The following PBX4 variants were observed in gnomAD, a reference collection of about 807,000 sequenced individuals.
The protein encoded by PBX4 is pre-B-cell leukemia transcription factor 4.
Under a neutral mutation model 35.1 loss-of-function variants are expected in PBX4, and 26 were observed. The observed-to-expected ratio is 0.74, with a 90% confidence interval of 0.54 to 1.03. The LOEUF (loss-of-function observed/expected upper bound fraction) is 1.03, where lower values mean the gene tolerates loss of function less well. Ranked by LOEUF, PBX4 falls within the 50% of genes least tolerant of loss-of-function variation. The pLI is 0.00. For synonymous variants in PBX4, 199 were observed against 204.2 expected (o/e 0.97, Z 0.22); for missense variants, 448 against 504.3 (o/e 0.89, Z 1.07).
chr19:19,576,207 T>C (rs938854484), intron 2 of PBX4, among the ~76,000 whole-genome samples: 13 of 147,716 alleles, frequency 8.8e-5, no homozygotes, highest in African/African-American at 3.0e-4. Flanking sequence ...CTGGGCAACA[T>C]GGTGAGATCC....
intron 1 of PBX4, among the ~76,000 whole-genome samples, chr19:19,600,677 C>T (rs769560126): frequency 5.3e-5 from 8 of 151,646 alleles, no homozygotes; most frequent in South Asian, 2.1e-4. Context: ...AAAAGCTGGG[C>T]GTGGTGGTGC....
intron 2 of PBX4, among the ~76,000 whole-genome samples, chr19:19,593,438 G>A (rs143355427): frequency 2.6e-5 from 4 of 152,160 alleles, no homozygotes; most frequent in South Asian, 4.2e-4. Context: ...TCCTAGTCAC[G>A]GGATGAGGAC....
rs780233504 is a variant in PBX4, at chr19:19,563,178, C to A, written c.1032+331G>T. On this transcript the variant is annotated intron_variant, in intron 7 of 7. Transcript: ENST00000251203. The surrounding 1 kb of genome is among the most constrained non-coding windows in gnomAD (Gnocchi z 5.1). ...TCCGGCCTCCTCTGCTGGCTGCCTGCCCCTCCCTCTCGAGGGAAGGACACC... is the reference window on the plus strand; with the variant it reads ...TCCGGCCTCCTCTGCTGGCTGCCTGACCCTCCCTCTCGAGGGAAGGACACC... Among the ~76,000 whole-genome samples, 12 of 152,156 alleles carry A rather than the reference C, an allele frequency of 7.9e-5. No individual in the cohort carries two copies. The highest frequency in any genetic ancestry group is 1.4e-4 in the African/African-American group (6 of 41,440).
intron 1 of PBX4, among the ~76,000 whole-genome samples, chr19:19,613,905 C>G (rs1456028583): frequency 1.3e-5 from 2 of 152,128 alleles, no homozygotes; most frequent in Admixed American, 6.6e-5. Context: ...CTAGGAATTA[C>G]CTCTACACAG....
chr19:19,593,362 C>T (rs1346577680), intron 2 of PBX4, among the ~76,000 whole-genome samples: 1 of 152,174 alleles, frequency 6.6e-6, no homozygotes, highest in Non-Finnish European at 1.5e-5. Flanking sequence ...AAGAGGCGGC[C>T]CGTGGGTACC....
In PBX4 at chr19:19,602,359, G is replaced by A. The variant is rs544384887; in HGVS notation, c.120-2994C>T. Among the ~76,000 whole-genome samples the A allele has an allele frequency of 2.6e-5, 4 of 152,280 alleles. No homozygotes were observed. The East Asian group carries it at 5.8e-4, about 22-fold the overall frequency. On this transcript the variant is annotated intron_variant, in intron 1 of 7. Coordinates refer to ENST00000251203, the MANE Select transcript of PBX4 (RefSeq NM_025245.3). ...GAGAATGTGGAGGTGAGGAGGAAGCGGAAGCAGCAATCACAAAGTCTTTGA... is the reference window on the plus strand; with the variant it reads ...GAGAATGTGGAGGTGAGGAGGAAGCAGAAGCAGCAATCACAAAGTCTTTGA...
At chr19:19,587,448 C>T (rs535118276) in intron 2 of PBX4, among the ~76,000 whole-genome samples, 2 of 151,268 alleles carry the variant, frequency 1.3e-5, no homozygotes, top group South Asian at 4.2e-4. Flanking sequence ...ATTAGCCGGG[C>T]GTGGTGGCGG....
At chr19:19,611,009 C>G (rs2061660057) in intron 1 of PBX4, among the ~76,000 whole-genome samples, 1 of 152,138 alleles carries the variant, frequency 6.6e-6, no homozygotes. Context: ...TGGGAAATTC[C>G]ACATCATAAA....
chr19:19,565,864 G>A (rs902628157), intron 5 of PBX4, among the ~76,000 whole-genome samples: 49 of 152,182 alleles, frequency 3.2e-4, no homozygotes, highest in African/African-American at 1.1e-3. Context: ...GTTGCAGTGA[G>A]CCAAGATCGC....
intron 2 of PBX4, among the ~76,000 whole-genome samples, chr19:19,598,261 G>GTACTATTT (rs1271012937): frequency 4.0e-5 from 6 of 149,890 alleles, no homozygotes; most frequent in African/African-American, 1.5e-4. Flanking sequence ...AGAACTCTCT[G>GTACTATTT]TACTATTTTT....
At chr19:19,588,328 C>T (rs2061503749) in intron 2 of PBX4, 5 of 1,119,598 alleles carry the variant, frequency 4.5e-6, no homozygotes, top group Non-Finnish European at 6.8e-6. Flanking sequence ...ACAGATAACA[C>T]ATTTGCCATC....
Position 19,562,037 on chromosome 19 carries a change from A to G in PBX4, c.1113T>C (p.Ser371=), listed in dbSNP as rs1199039530. Residue 371 remains serine, a synonymous_variant, in exon 8 of 8, where the codon AGT becomes AGC. Transcript: ENST00000251203. This position sits in a 1 kb window ranked among gnomAD's most constrained non-coding sequence, Gnocchi z 4.8. ...TTATCCCCCAAACTTAATTAGATGT[A>G]CTGGAGTTGATGCTGCCAGGGTCTC... ...PAGDPGSINS[S]TSN is the part of the protein sequence containing the mutation. 1 of 1,612,754 alleles carries G rather than the reference A, an allele frequency of 6.2e-7. No individual in the cohort carries two copies. The highest frequency in any genetic ancestry group is 8.5e-7 in the Non-Finnish European group (1 of 1,179,440).
At chr19:19,580,070 C>T (rs1234222215) in intron 2 of PBX4, 1 of 152,268 alleles carries the variant, frequency 6.6e-6, no homozygotes, top group Non-Finnish European at 1.5e-5. Flanking sequence ...GACAGAGAGC[C>T]AAAGCCTAGT....
At chr19:19,565,398 G>T (rs1338176124) in intron 5 of PBX4, among the ~76,000 whole-genome samples, 1 of 152,232 alleles carries the variant, frequency 6.6e-6, no homozygotes, top group African/African-American at 2.4e-5. Context: ...GAGGTGGGCC[G>T]GGAGGGACAG....
chr19:19,589,272 CA>C, intron 2 of PBX4, among the ~76,000 whole-genome samples: 1 of 151,932 alleles, frequency 6.6e-6, no homozygotes, highest in East Asian at 1.9e-4. Context: ...ACTAAAAATA[CA>C]AAAAATTAGA....
chr19:19,602,187 C>T (rs952609549), intron 1 of PBX4, among the ~76,000 whole-genome samples: 1 of 152,026 alleles, frequency 6.6e-6, no homozygotes, highest in African/African-American at 2.4e-5. Context: ...AATCTCAGCA[C>T]TATGGGAGGC....
intron 2 of PBX4, among the ~76,000 whole-genome samples, chr19:19,573,505 C>T (rs1366332255): frequency 2.6e-5 from 4 of 152,034 alleles, no homozygotes; most frequent in Non-Finnish European, 5.9e-5. Flanking sequence ...GAATAGATGG[C>T]GGCACAAAGT....
intron 1 of PBX4, among the ~76,000 whole-genome samples, chr19:19,615,559 T>C (rs975932052): frequency 6.6e-6 from 1 of 152,124 alleles, no homozygotes; most frequent in Non-Finnish European, 1.5e-5. Flanking sequence ...CCAGATATTG[T>C]AAAGGTCCGA....
rs1336718974 is a variant in PBX4, at chr19:19,563,431, G to A, written c.1032+78C>T. On this transcript the variant is annotated intron_variant, in intron 7 of 7. Transcript: ENST00000251203. This position sits in a 1 kb window ranked among gnomAD's most constrained non-coding sequence, Gnocchi z 5.1. ...CCTCTGGGGAAGCTGCCCCAAGGCC[G>A]AGGGGTGGCTGACAAGACGACCCTT... 28 of 1,207,800 alleles carry A rather than the reference G, an allele frequency of 2.3e-5. No individual in the cohort carries two copies. The highest frequency in any genetic ancestry group is 3.1e-5 in the South Asian group (2 of 64,964). The allele number at this position is 1,207,800 out of a possible 1,614,324, so 74.8% of individuals were successfully genotyped here.
Sources: gnomAD v4.1 joint callset for allele counts (sites outside exome capture counted in the v4.1 genomes callset) on GRCh38, gnomAD v4.1.1 for gene constraint, Gnocchi (gnomAD v3.1) non-coding constraint, MANE v1.5 for transcripts, NCBI Gene and HGNC (gene_info 2026-07-23, HGNC 2026-07-21) for gene names.